NUBP1: variants seen among roughly 807,000 people sequenced by gnomAD.
NUBP1 encodes cytosolic Fe-S cluster assembly factor NUBP1.
A neutral mutation model predicts 41.8 loss-of-function variants in NUBP1; 46 were observed. That is an observed-to-expected ratio of 1.10 (90% CI 0.87 to 1.41). NUBP1 has a LOEUF of 1.41. Ranked by LOEUF, NUBP1 falls within the 40% of genes most tolerant of loss-of-function variation. The pLI is 0.00. For missense variants in NUBP1, 494 were observed against 414.0 expected (o/e 1.19, Z -1.68); for synonymous variants, 189 against 154.6 (o/e 1.22, Z -1.65).
intron 9 of NUBP1, among the ~76,000 whole-genome samples, chr16:10,762,696 G>C (rs142394559): frequency 6.6e-6 from 1 of 152,296 alleles, no homozygotes; most frequent in African/African-American, 2.4e-5. Context: ...CCATGCCTCG[G>C]AACTTCCACT....
In NUBP1 at chr16:10,757,979, C is replaced by G; in HGVS notation, c.558C>G (p.Tyr186Ter). 6.2e-7 allele frequency: 1 copy of G among 1,614,124 alleles called. No homozygotes were observed. The highest frequency in any genetic ancestry group is 8.5e-7 in the Non-Finnish European group (1 of 1,180,042). The change falls in exon 7 of 11, where the codon TAC becomes TAG. Residue 186 changes from tyrosine (Y) to a stop codon, truncating the protein, a stop_gained. Transcript: ENST00000283027. LOFTEE classifies it high-confidence loss of function. The surrounding 1 kb of genome is among the most constrained non-coding windows in gnomAD (Gnocchi z 4.1). ...TSDEHLSVVR[Y>*]LATAHIDGAV... ...ATGAACACCTCTCGGTCGTCCGGTA[C>G]CTGGCCACAGCACACATCGATGGAG...
chr16:10,754,305 C>T (rs534111639), intron 4 of NUBP1, among the ~76,000 whole-genome samples: 177 of 152,048 alleles, frequency 1.2e-3, no homozygotes, highest in African/African-American at 3.5e-3. Flanking sequence ...TGCAGTGTCG[C>T]GATCTCGGCT....
In NUBP1 at chr16:10,748,491, G is replaced by A. The variant is rs1016386643; in HGVS notation, c.258+1215G>A. Among the ~76,000 whole-genome samples the A allele has an allele frequency of 5.3e-5, 8 of 152,140 alleles. No homozygotes were observed. In the East Asian group the frequency reaches 9.7e-4, roughly 18 times the overall value. On this transcript the variant is annotated intron_variant, in intron 3 of 10. Transcript: ENST00000283027. ...GTGGGTCGCTAAGAGCACACACTCT[G>A]GAGTCAGACAGCCCAAACTCAGGTC...
Position 10,744,082 on chromosome 16 carries a change from G to A in NUBP1, c.124+17G>A, listed in dbSNP as rs535050571. On this transcript the variant is annotated intron_variant, in intron 2 of 10. Coordinates refer to ENST00000283027, the MANE Select transcript of NUBP1 (RefSeq NM_002484.4). ...CGGACACGGGTGAGAAAAGGGCAAGGCCTCAACAGGAACTTAGAGGCGCAG... is the reference window on the plus strand; with the variant it reads ...CGGACACGGGTGAGAAAAGGGCAAGACCTCAACAGGAACTTAGAGGCGCAG... 23 of 1,546,286 alleles carry A rather than the reference G, an allele frequency of 1.5e-5. No homozygotes were observed. Among genetic ancestry groups the A allele is most frequent in the Admixed American group, 2.1e-5 (1 of 46,962 alleles).
intron 4 of NUBP1, among the ~76,000 whole-genome samples, chr16:10,754,945 T>A (rs1335940446): frequency 6.6e-6 from 1 of 152,100 alleles, no homozygotes; most frequent in Non-Finnish European, 1.5e-5. Context: ...CCTGGGAGGC[T>A]AAGGCAGGAG....
At chr16:10,761,308 G>C in intron 7 of NUBP1, 56 bp from the exon 8 acceptor site, 1 of 1,528,650 alleles carries the variant, frequency 6.5e-7, no homozygotes, top group South Asian at 1.1e-5. Context: ...CGGTTGCACA[G>C]ACATTCCCTT....
intron 4 of NUBP1, among the ~76,000 whole-genome samples, chr16:10,754,826 C>T (rs1480085812): frequency 6.6e-6 from 1 of 151,606 alleles, no homozygotes; most frequent in South Asian, 2.1e-4. Flanking sequence ...GGGTGGATCA[C>T]TTGAGGTCAG....
intron 2 of NUBP1, among the ~76,000 whole-genome samples, chr16:10,745,513 G>C (rs573323612): frequency 6.6e-6 from 1 of 152,340 alleles, no homozygotes; most frequent in Non-Finnish European, 1.5e-5. Context: ...TGGAGAGACT[G>C]AACTGAGCCT....
At chr16:10,753,780 G>A (rs1458171433) in intron 4 of NUBP1, among the ~76,000 whole-genome samples, 3 of 151,950 alleles carry the variant, frequency 2.0e-5, no homozygotes, top group Non-Finnish European at 4.4e-5. Context: ...AGCAGAGGAT[G>A]ACAGGAGGGG....
rs764774759 is a variant in NUBP1, at chr16:10,768,081, C to A, written c.904+49C>A. On this transcript the variant is annotated intron_variant, in intron 10 of 10. Coordinates refer to ENST00000283027, the MANE Select transcript of NUBP1 (RefSeq NM_002484.4). This position sits in a 1 kb window ranked among gnomAD's most constrained non-coding sequence, Gnocchi z 4.3. The stretch of plus-strand genomic sequence containing the variant: ...ATGCAGATGCCTGTGGGGCAGGAAG[C>A]AACATAAAGGAGCCAGGGGTGTGGA... The A allele has an allele frequency of 6.4e-7, 1 of 1,572,282 alleles. No individual in the cohort carries two copies. The highest frequency in any genetic ancestry group is 8.7e-7 in the Non-Finnish European group (1 of 1,144,144).
chr16:10,748,280 A>G (rs953440933), intron 3 of NUBP1, among the ~76,000 whole-genome samples: 12 of 152,250 alleles, frequency 7.9e-5, no homozygotes, highest in African/African-American at 2.9e-4. Flanking sequence ...TTAGTACCTA[A>G]GTACCTACAT....
chr16:10,744,089 C>A, intron 2 of NUBP1, 24 bp downstream of exon 2: 1 of 1,534,120 alleles, frequency 6.5e-7, no homozygotes, highest in Non-Finnish European at 8.7e-7. Flanking sequence ...AAGGCCTCAA[C>A]AGGAACTTAG....
chr16:10,755,182 C>G (rs1024468179), intron 4 of NUBP1, among the ~76,000 whole-genome samples: 1 of 152,204 alleles, frequency 6.6e-6, no homozygotes, highest in African/African-American at 2.4e-5. Context: ...AAGGCTTCAT[C>G]AAGAAAATTA....
At chr16:10,755,204 T>C (rs1900495875) in intron 4 of NUBP1, among the ~76,000 whole-genome samples, 1 of 152,220 alleles carries the variant, frequency 6.6e-6, no homozygotes, top group African/African-American at 2.4e-5. Flanking sequence ...ACTTTCAGTG[T>C]GCGCTTTGTG....
intron 3 of NUBP1, among the ~76,000 whole-genome samples, chr16:10,748,651 C>T (rs748434487): frequency 6.6e-6 from 1 of 152,096 alleles, no homozygotes. Flanking sequence ...CGGGGCCCGA[C>T]GAATAGTCAA....
At position 10,753,178 on chromosome 16, in the gene NUBP1, G is replaced by C. The variant is rs372345844; in HGVS notation, c.327+500G>C. On this transcript the variant is annotated intron_variant, in intron 4 of 10. Transcript: ENST00000283027. ...TTTAACAACAACTGTGAGTCTTGGC[G>C]GGGGAGGGGCGGGATTGTATATGAA... Among the ~76,000 whole-genome samples, 3 of 152,310 alleles carry C rather than the reference G, an allele frequency of 2.0e-5. No individual in the cohort carries two copies. In the East Asian group the frequency reaches 5.8e-4, roughly 29 times the overall value.
At chr16:10,756,822 G>A (rs777395363) in intron 6 of NUBP1, 42 bp downstream of exon 6, 14 of 1,518,554 alleles carry the variant, frequency 9.2e-6, no homozygotes, top group South Asian at 4.8e-5. Context: ...ATTCTTCCAC[G>A]AGCGTTGTGG....
chr16:10,766,982 C>T lies in NUBP1; in HGVS notation c.821-967C>T, dbSNP rs1176018115. On this transcript the variant is annotated intron_variant, in intron 9 of 10. Coordinates refer to ENST00000283027, the MANE Select transcript of NUBP1 (RefSeq NM_002484.4). The surrounding 1 kb of genome is among the most constrained non-coding windows in gnomAD (Gnocchi z 4.8). ...TATGGGCTCCCCATCTCCCACCAACCCCTCCCCACAGGCTTCTTCCCCGAC... is the reference window on the plus strand; with the variant it reads ...TATGGGCTCCCCATCTCCCACCAACTCCTCCCCACAGGCTTCTTCCCCGAC... 1.5e-5 allele frequency: 6 copies of T among 398,730 alleles called. No homozygotes were observed. In the East Asian group the frequency reaches 2.1e-4, roughly 14 times the overall value. The allele number at this position is 398,730 out of a possible 1,614,324, so 24.7% of individuals were successfully genotyped here. A position where few individuals can be genotyped will look rare whatever the true frequency, so the allele number is the denominator to read the frequency against.
chr16:10,757,772 G>T lies in NUBP1; in HGVS notation c.452-101G>T. On this transcript the variant is annotated intron_variant, in intron 6 of 10. Transcript: ENST00000283027. This position sits in a 1 kb window ranked among gnomAD's most constrained non-coding sequence, Gnocchi z 4.1. ...GAGCCTCAGAGTTAAGAGCCAACCT[G>T]GGCAACATAGCAAGACCCCATCCTT... 1 of 1,457,186 alleles carries T rather than the reference G, an allele frequency of 6.9e-7. No individual in the cohort carries two copies. The allele number at this position is 1,457,186 out of a possible 1,614,324, so 90.3% of individuals were successfully genotyped here.
Sources: allele counts gnomAD v4.1 joint callset (sites outside exome capture counted in the v4.1 genomes callset), GRCh38; gene constraint gnomAD v4.1.1; non-coding constraint Gnocchi (gnomAD v3.1); transcripts MANE v1.5; gene names NCBI Gene and HGNC (gene_info 2026-07-23, HGNC 2026-07-21).